The following LY96 variants were observed in gnomAD, a reference collection of about 807,000 sequenced individuals.
LY96 encodes lymphocyte antigen 96.
Under a neutral mutation model 18.9 loss-of-function variants are expected in LY96, and 18 were observed. The observed-to-expected ratio is 0.95, with a 90% CI of 0.66 to 1.41. The LOEUF is 1.41. Ranked by LOEUF, LY96 falls within the 40% of genes most tolerant of loss-of-function variation. The pLI is 0.00. For missense variants in LY96, 175 were observed against 182.4 expected (o/e 0.96, Z 0.23); for synonymous variants, 66 against 62.6 (o/e 1.06, Z -0.26).
the LY96 span, among the ~76,000 whole-genome samples, chr8:74,098,223 G>A: frequency 2.0e-5 from 3 of 152,068 alleles, no homozygotes; most frequent in East Asian, 5.8e-4. Flanking sequence ...ACTTTACTGA[G>A]CAGGGAGTTA....
chr8:74,003,074 T>A (rs1274458730), intron 1 of LY96, among the ~76,000 whole-genome samples: 1 of 152,232 alleles, frequency 6.6e-6, no homozygotes, highest in Non-Finnish European at 1.5e-5. Context: ...GTTTGAAACA[T>A]CTTTGCCTGA....
chr8:74,068,061 CAAAAAAAAAA>C, the LY96 span, among the ~76,000 whole-genome samples: 5 of 36,188 alleles, frequency 1.4e-4, no homozygotes, highest in Non-Finnish European at 1.4e-4. Context: ...AACTCTGTCT[CAAAAAAAAAA>C]AAAAAAAAAA....
intron 1 of LY96, among the ~76,000 whole-genome samples, chr8:73,993,960 T>C (rs1341637444): frequency 1.3e-5 from 2 of 152,126 alleles, no homozygotes; most frequent in East Asian, 3.9e-4. Context: ...ACCATCACCG[T>C]TGGTGTATCT....
chr8:74,043,468 GA>G, the LY96 span, among the ~76,000 whole-genome samples: 1 of 152,196 alleles, frequency 6.6e-6, no homozygotes, highest in Admixed American at 6.5e-5. Flanking sequence ...CTGCAGTTGG[GA>G]TAGACCATGC....
At chr8:74,032,213 T>C (rs1251294353), downstream of LY96, among the ~76,000 whole-genome samples, 1 of 152,206 alleles carries the variant, frequency 6.6e-6, no homozygotes, top group Non-Finnish European at 1.5e-5. Flanking sequence ...AAATGAATTG[T>C]TCCATTTTGT....
intron 4 of LY96, among the ~76,000 whole-genome samples, chr8:74,027,853 T>C (rs1816901546): frequency 6.6e-6 from 1 of 152,176 alleles, no homozygotes; most frequent in Admixed American, 6.5e-5. Flanking sequence ...GAACTTTACT[T>C]AATCTAAATG....
chr8:74,018,749 A>G (rs1262310182), intron 3 of LY96, among the ~76,000 whole-genome samples: 1 of 152,250 alleles, frequency 6.6e-6, no homozygotes, highest in Non-Finnish European at 1.5e-5. Flanking sequence ...CAATCAAATT[A>G]GAACTCAGGA....
chr8:73,997,934 C>T (rs547352150), intron 1 of LY96, among the ~76,000 whole-genome samples: 1 of 152,284 alleles, frequency 6.6e-6, no homozygotes, highest in East Asian at 1.9e-4. Flanking sequence ...TTCACCAACC[C>T]AGAAGCTCTC....
rs542832540 is a variant in LY96, at chr8:74,018,659, C to T, written c.332-8130C>T. Among the ~76,000 whole-genome samples, 11 of 152,260 alleles carry T rather than the reference C, an allele frequency of 7.2e-5. No individual in the cohort carries two copies. In the South Asian group the frequency reaches 1.9e-3, roughly 26 times the overall value. On this transcript the variant is annotated intron_variant, in intron 3 of 4. Coordinates refer to ENST00000284818, the MANE Select transcript of LY96 (RefSeq NM_015364.5). The stretch of plus-strand genomic sequence containing the variant: ...CACATTGCACTTATTCCAAAATTGA[C>T]CACATAGTTGGAAGTAAAGCACTCC...
At chr8:74,069,590 T>G in the LY96 span, among the ~76,000 whole-genome samples, 1 of 152,080 alleles carries the variant, frequency 6.6e-6, no homozygotes, top group African/African-American at 2.4e-5. Flanking sequence ...ATTTATTTAT[T>G]TATTTATTTA....
the LY96 span, among the ~76,000 whole-genome samples, chr8:74,089,845 G>A: frequency 6.6e-6 from 1 of 152,262 alleles, no homozygotes; most frequent in South Asian, 2.1e-4. Context: ...TGCTGTTTGA[G>A]CAAAGACCTT....
intron 2 of LY96, among the ~76,000 whole-genome samples, chr8:74,006,051 G>T (rs1038280803): frequency 7.9e-5 from 12 of 152,138 alleles, no homozygotes; most frequent in African/African-American, 2.9e-4. Flanking sequence ...CAACAAACTT[G>T]TGTTTTAATT....
chr8:74,096,259 G>T, the LY96 span, among the ~76,000 whole-genome samples: 1 of 152,028 alleles, frequency 6.6e-6, no homozygotes, highest in Non-Finnish European at 1.5e-5. Flanking sequence ...TACTCTCAAA[G>T]TAGACCAAGG....
At chr8:74,069,878 A>G in the LY96 span, among the ~76,000 whole-genome samples, 1 of 152,220 alleles carries the variant, frequency 6.6e-6, no homozygotes, top group Non-Finnish European at 1.5e-5. Context: ...CTGGGATTAT[A>G]GGCATAAGCC....
the LY96 span, among the ~76,000 whole-genome samples, chr8:74,079,874 A>T: frequency 6.6e-6 from 1 of 152,098 alleles, no homozygotes. Flanking sequence ...TTAAAGACAG[A>T]GACTTAAAAA....
At chr8:74,028,792 T>C (rs139216889) in intron 4 of LY96, among the ~76,000 whole-genome samples, 164 bp from the exon 5 acceptor site, 26 of 152,346 alleles carry the variant, frequency 1.7e-4, no homozygotes, top group African/African-American at 6.0e-4. Flanking sequence ...ATGGGCTTTA[T>C]GCTCATTTAA....
chr8:74,041,073 C>G, the LY96 span, among the ~76,000 whole-genome samples: 1 of 152,126 alleles, frequency 6.6e-6, no homozygotes, highest in African/African-American at 2.4e-5. Context: ...GGAGCCGCGG[C>G]AGAGGAACAT....
chr8:74,081,000 T>TTC, the LY96 span, among the ~76,000 whole-genome samples: 1 of 115,686 alleles, frequency 8.6e-6, no homozygotes, highest in African/African-American at 4.8e-5. Context: ...CTTTCTTTCT[T>TTC]TCTTTCTTTC....
At chr8:74,078,539 G>A in the LY96 span, among the ~76,000 whole-genome samples, 1 of 152,216 alleles carries the variant, frequency 6.6e-6, no homozygotes, top group African/African-American at 2.4e-5. Flanking sequence ...TCATCCAAGT[G>A]TTGGTTGGGA....
Sources: allele counts gnomAD v4.1 joint callset (sites outside exome capture counted in the v4.1 genomes callset), GRCh38; gene constraint gnomAD v4.1.1; transcripts MANE v1.5; gene names NCBI Gene and HGNC (gene_info 2026-07-23, HGNC 2026-07-21).